The following NXN variants were observed in gnomAD, a reference collection of about 807,000 sequenced individuals.
The protein encoded by NXN is nucleoredoxin 1.
NXN carries 16 observed loss-of-function variants against 48.6 expected under a neutral mutation model. The observed-to-expected ratio is 0.33, with a 90% confidence interval of 0.22 to 0.50. The LOEUF is 0.50. Among genes scored for constraint, NXN ranks in the 20% least tolerant of loss-of-function variants. The pLI, the probability that NXN is intolerant of heterozygous loss-of-function variation, is 0.98. For missense variants in NXN, 492 were observed against 605.5 expected (o/e 0.81, Z 1.97); for synonymous variants, 281 against 269.6 (o/e 1.04, Z -0.41).
intron 1 of NXN, among the ~76,000 whole-genome samples, chr17:927,756 T>A (rs1029458840): frequency 1.6e-4 from 24 of 151,928 alleles, no homozygotes; most frequent in African/African-American, 5.6e-4. Flanking sequence ...GCACTGGCTC[T>A]CAGAGGCAGA....
chr17:811,271 G>A (rs929109005), intron 5 of NXN, among the ~76,000 whole-genome samples: 13 of 152,178 alleles, frequency 8.5e-5, no homozygotes, highest in African/African-American at 2.4e-4. Flanking sequence ...CAGGCCGTCC[G>A]CCCTCCCTGA....
intron 1 of NXN, among the ~76,000 whole-genome samples, chr17:895,045 C>T: frequency 8.6e-6 from 1 of 116,058 alleles, no homozygotes; most frequent in African/African-American, 3.1e-5. Flanking sequence ...GAGACTAAAT[C>T]TCACTCCGTC....
intron 5 of NXN, among the ~76,000 whole-genome samples, chr17:812,823 A>G (rs1270284833): frequency 1.6e-5 from 2 of 122,024 alleles, no homozygotes; most frequent in African/African-American, 6.4e-5. Context: ...TGTGTGTGCG[A>G]GTGTGCATGT....
chr17:887,642 C>T (rs539022269), intron 1 of NXN, among the ~76,000 whole-genome samples: 4 of 152,226 alleles, frequency 2.6e-5, no homozygotes, highest in South Asian at 2.1e-4. Context: ...GCCAATTAAA[C>T]GGGAATGCAG....
chr17:862,617 A>G (rs1467241553), intron 1 of NXN, among the ~76,000 whole-genome samples: 2 of 152,242 alleles, frequency 1.3e-5, no homozygotes, highest in Non-Finnish European at 2.9e-5. Flanking sequence ...GAACATTCCT[A>G]CGGTCCTAAA....
intron 1 of NXN, among the ~76,000 whole-genome samples, chr17:840,114 A>G (rs1011303940): frequency 6.6e-6 from 1 of 150,670 alleles, no homozygotes; most frequent in Non-Finnish European, 1.5e-5. Context: ...AAAAAGAGAG[A>G]GAGAGAGAAT....
In NXN at chr17:825,688, G is replaced by T; in HGVS notation, c.478+273C>A. On this transcript the variant is annotated intron_variant, in intron 2 of 7. Coordinates refer to ENST00000336868, the MANE Select transcript of NXN (RefSeq NM_022463.5). This position sits in a 1 kb window ranked among gnomAD's most constrained non-coding sequence, Gnocchi z 4.1. ...CTCTCCGCTTTCCCACAGCCTCTGC[G>T]GCCCTCCAAGCGGAGCTTCTTACGG... The T allele has an allele frequency of 2.9e-6, 1 of 350,694 alleles. No individual in the cohort carries two copies. Among genetic ancestry groups the T allele is most frequent in the Non-Finnish European group, 5.1e-6 (1 of 194,204 alleles). 21.7% of individuals were successfully genotyped at this position (350,694 alleles called of 1,614,324 possible). A position where few individuals can be genotyped will look rare whatever the true frequency, so the allele number is the denominator to read the frequency against.
chr17:845,865 C>T (rs1014053678), intron 1 of NXN, among the ~76,000 whole-genome samples: 1 of 152,228 alleles, frequency 6.6e-6, no homozygotes, highest in African/African-American at 2.4e-5. Context: ...GAATTTGAGA[C>T]CAGCCTGGCC....
intron 1 of NXN, among the ~76,000 whole-genome samples, chr17:899,281 C>G (rs891261391): frequency 3.3e-5 from 5 of 152,080 alleles, no homozygotes. Flanking sequence ...TCTTACAGCA[C>G]CTTTTATATT....
chr17:914,898 T>A (rs546315347), intron 1 of NXN, among the ~76,000 whole-genome samples: 27 of 152,006 alleles, frequency 1.8e-4, no homozygotes, highest in Non-Finnish European at 3.2e-4. Flanking sequence ...CCTAAAATAT[T>A]AAAGGGGGTG....
At chr17:843,047 AGAAAGAAAGAAG>A (rs879425576) in intron 1 of NXN, among the ~76,000 whole-genome samples, 3,802 of 129,732 alleles carry the variant, frequency 0.029, 74 homozygotes, top group African/African-American at 0.057. Context: ...AAAGAAAGAA[AGAAAGAAAGAAG>A]GAAGAAAGCA....
At chr17:904,463 T>C (rs924206970) in intron 1 of NXN, among the ~76,000 whole-genome samples, 7 of 152,186 alleles carry the variant, frequency 4.6e-5, no homozygotes, top group Non-Finnish European at 1.0e-4. Context: ...GATGTGGTGA[T>C]TTTCAGCATT....
chr17:958,771 AATAAAAT>A lies in NXN; in HGVS notation c.360+20541_360+20547del, dbSNP rs2069200876. ...AGCGAGACTCCCTCTCAAAAAATAA[AATAAAAT>A]AAAAATTAGCTGGGGAGGTGGTGAG... On this transcript the variant is annotated intron_variant, in intron 1 of 7. Transcript: ENST00000336868. This position sits in a 1 kb window ranked among gnomAD's most constrained non-coding sequence, Gnocchi z 6.9. Among the ~76,000 whole-genome samples the A allele has an allele frequency of 6.6e-6, 1 of 151,908 alleles. No homozygotes were observed. Among genetic ancestry groups the A allele is most frequent in the African/African-American group, 2.4e-5 (1 of 41,340 alleles).
intron 1 of NXN, among the ~76,000 whole-genome samples, chr17:979,032 A>T (rs1232704415): frequency 6.8e-6 from 1 of 146,068 alleles, no homozygotes; most frequent in African/African-American, 2.6e-5. Context: ...AGGGGGGTCC[A>T]ACTTTCCAGG....
intron 1 of NXN, among the ~76,000 whole-genome samples, chr17:886,879 T>C (rs531649841): frequency 1.9e-3 from 294 of 152,310 alleles, no homozygotes; most frequent in Non-Finnish European, 3.7e-3. Context: ...TTCTATTGTT[T>C]ATCCTAACAT....
chr17:853,785 C>T (rs932328464), intron 1 of NXN, among the ~76,000 whole-genome samples: 8 of 145,586 alleles, frequency 5.5e-5, no homozygotes, highest in Admixed American at 2.1e-4. Flanking sequence ...TGCAGTGGTG[C>T]GATCTCGGCT....
In NXN at chr17:895,626, C is replaced by G. The variant is rs546087776; in HGVS notation, c.361-69548G>C. ...AGGAGATCAAGACCATCCTGGCTAA[C>G]ACGGTGAAACCCCGTCTCTACTTAA... is the stretch of plus-strand genomic sequence containing the variant. On this transcript the variant is annotated intron_variant, in intron 1 of 7. Coordinates refer to ENST00000336868, the MANE Select transcript of NXN (RefSeq NM_022463.5). Among the ~76,000 whole-genome samples the G allele has an allele frequency of 7.2e-3, 1,030 of 142,492 alleles. 17 individuals are homozygous for G. Among genetic ancestry groups the G allele is most frequent in the African/African-American group, 0.025 (981 of 38,546 alleles). The allele number at this position is 142,492 out of a possible 152,430, so 93.5% of individuals were successfully genotyped here.
At chr17:902,814 C>A (rs969527812) in intron 1 of NXN, among the ~76,000 whole-genome samples, 2 of 150,184 alleles carry the variant, frequency 1.3e-5, no homozygotes, top group African/African-American at 4.9e-5. Flanking sequence ...GACTTTCGCT[C>A]ATCACCCAGG....
intron 4 of NXN, among the ~76,000 whole-genome samples, chr17:821,943 T>C (rs1177307333): frequency 6.6e-6 from 1 of 151,994 alleles, no homozygotes; most frequent in African/African-American, 2.4e-5. Flanking sequence ...CCCCAGTATT[T>C]ACAGCAAGAA....
Sources: gnomAD v4.1 joint callset for allele counts (sites outside exome capture counted in the v4.1 genomes callset) on GRCh38, gnomAD v4.1.1 for gene constraint, Gnocchi (gnomAD v3.1) non-coding constraint, MANE v1.5 for transcripts, NCBI Gene and HGNC (gene_info 2026-07-23, HGNC 2026-07-21) for gene names.